C8orf34: variants seen among roughly 807,000 people sequenced by gnomAD.
C8orf34 encodes chromosome 8 open reading frame 34, also known as uncharacterized protein C8orf34.
A neutral mutation model predicts 68.3 loss-of-function variants in C8orf34; 65 were observed. The ratio of observed to expected loss-of-function variants is 0.95; its 90% CI spans 0.78 to 1.17. The LOEUF (loss-of-function observed/expected upper bound fraction) is 1.17. Ranked by LOEUF, C8orf34 falls within the 50% of genes most tolerant of loss-of-function variation. C8orf34 has a pLI of 0.00. For missense variants in C8orf34, 664 were observed against 655.4 expected (o/e 1.01, Z -0.14); for synonymous variants, 244 against 241.2 (o/e 1.01, Z -0.11).
intron 10 of C8orf34, among the ~76,000 whole-genome samples, chr8:68,738,251 A>T (rs1822178253): frequency 6.6e-6 from 1 of 152,146 alleles, no homozygotes; most frequent in Non-Finnish European, 1.5e-5. Flanking sequence ...TTGGAAACTA[A>T]TGAGAACAAA....
chr8:68,376,610 CT>C (rs113971584), intron 1 of C8orf34, among the ~76,000 whole-genome samples: 553 of 145,084 alleles, frequency 3.8e-3, no homozygotes, highest in African/African-American at 8.0e-3. Flanking sequence ...CATCTTTCTC[CT>C]TTTTTTTTTT....
intron 9 of C8orf34, 79 bp downstream of exon 9, chr8:68,709,158 C>G (rs890514421): frequency 1.6e-4 from 165 of 1,062,754 alleles, no homozygotes; most frequent in African/African-American, 3.2e-5. Flanking sequence ...AAAAACTAAA[C>G]CAAACATCTT....
chr8:68,608,580 C>A (rs2380483), intron 7 of C8orf34, among the ~76,000 whole-genome samples: 97,667 of 150,496 alleles, frequency 0.65, 32,164 homozygotes, highest in African/African-American at 0.75. Flanking sequence ...GATCATAGGC[C>A]GAAGCAGGGA....
chr8:68,534,752 C>A, intron 7 of C8orf34: 4 of 985,390 alleles, frequency 4.1e-6, no homozygotes, highest in Non-Finnish European at 4.8e-6. Flanking sequence ...GAAGGGGCAA[C>A]TGAGATCCAG....
chr8:68,498,964 G>C (rs1813649126), intron 5 of C8orf34, among the ~76,000 whole-genome samples: 1 of 152,158 alleles, frequency 6.6e-6, no homozygotes, highest in African/African-American at 2.4e-5. Flanking sequence ...TACATGTGCA[G>C]GTTTGTTATG....
At chr8:68,437,127 T>C (rs2129625487) in intron 1 of C8orf34, among the ~76,000 whole-genome samples, 1 of 152,344 alleles carries the variant, frequency 6.6e-6, no homozygotes, top group Non-Finnish European at 1.5e-5. Flanking sequence ...TTTAATCTCA[T>C]ATATTCATTA....
rs184431077 is a variant in C8orf34 at position 68,699,346 on chromosome 8, G to C, written c.1242-9648G>C. Among the ~76,000 whole-genome samples, 190 of 152,210 alleles carry C rather than the reference G, an allele frequency of 1.2e-3. 1 individual carries two copies. Among genetic ancestry groups the C allele is most frequent in the African/African-American group, 3.7e-3 (155 of 41,566 alleles). On this transcript the variant is annotated intron_variant, in intron 8 of 13. Transcript: ENST00000518698. ...ATGAACATGAATAATTGTTCTGAAC[G>C]AAGTGTGCTGATTCCAATGCCCAGG...
chr8:68,650,384 G>T (rs1206291911), intron 8 of C8orf34, among the ~76,000 whole-genome samples: 1 of 152,038 alleles, frequency 6.6e-6, no homozygotes, highest in Non-Finnish European at 1.5e-5. Context: ...AGTTTGAGGG[G>T]GCGGTGTCTG....
At chr8:68,556,719 T>C (rs544973590) in intron 7 of C8orf34, among the ~76,000 whole-genome samples, 2 of 152,284 alleles carry the variant, frequency 1.3e-5, no homozygotes, top group African/African-American at 4.8e-5. Flanking sequence ...TATGGCATTT[T>C]AAGTTTGTTA....
chr8:68,455,059 T>C (rs1811491354), intron 3 of C8orf34, among the ~76,000 whole-genome samples: 1 of 152,158 alleles, frequency 6.6e-6, no homozygotes, highest in South Asian at 2.1e-4. Context: ...GAATTTCCCA[T>C]TTTTCTTTTT....
chr8:68,757,679 T>C (rs1009216208), intron 10 of C8orf34, among the ~76,000 whole-genome samples: 2 of 152,108 alleles, frequency 1.3e-5, no homozygotes, highest in African/African-American at 2.4e-5. Context: ...ATAGGGAATA[T>C]TGTGGTGAAC....
In C8orf34 at chr8:68,818,310, G is replaced by A. The variant is rs1321535870; in HGVS notation, c.*64G>A. 6.6e-7 allele frequency: 1 copy of A among 1,516,328 alleles called. No homozygotes were observed. Among genetic ancestry groups the A allele is most frequent in the Admixed American group, 1.7e-5 (1 of 57,802 alleles). The allele number at this position is 1,516,328 out of a possible 1,614,324, so 93.9% of individuals were successfully genotyped here. ...GCAGTTATTCAAATCCTTATGTATAGTTCTAATTTTATTTACTATGTGTAA... is the reference window on the plus strand; with the variant it reads ...GCAGTTATTCAAATCCTTATGTATAATTCTAATTTTATTTACTATGTGTAA... On this transcript the variant is annotated 3_prime_UTR_variant, in exon 14 of 14. Coordinates refer to ENST00000518698, the MANE Select transcript of C8orf34 (RefSeq NM_052958.4).
rs565823900 is a variant in C8orf34, at chr8:68,369,379, G to A, written c.327+38040G>A. Among the ~76,000 whole-genome samples the A allele has an allele frequency of 2.1e-4, 32 of 152,360 alleles. 1 individual carries two copies. The highest frequency in any genetic ancestry group is 6.8e-3 in the Middle Eastern group (2 of 294). ...GATGCCTGAGTGGAACTGTAATGCT[G>A]TAATAGTCCACCTCTATTTTATGAC... On this transcript the variant is annotated intron_variant, in intron 1 of 13. Coordinates refer to ENST00000518698, the MANE Select transcript of C8orf34 (RefSeq NM_052958.4).
chr8:68,687,839 G>C (rs1022688698), intron 8 of C8orf34, among the ~76,000 whole-genome samples: 2 of 152,086 alleles, frequency 1.3e-5, no homozygotes, highest in Non-Finnish European at 2.9e-5. Context: ...CCACAGAATA[G>C]AGAAAATATT....
At chr8:68,744,446 A>G (rs1435348486) in intron 10 of C8orf34, among the ~76,000 whole-genome samples, 2 of 152,174 alleles carry the variant, frequency 1.3e-5, no homozygotes, top group African/African-American at 2.4e-5. Flanking sequence ...GAGCTATGGG[A>G]GGACATTCAA....
chr8:68,803,956 T>A (rs886961915), intron 12 of C8orf34, among the ~76,000 whole-genome samples: 1 of 152,208 alleles, frequency 6.6e-6, no homozygotes, highest in Admixed American at 6.5e-5. Context: ...TGAACACTTA[T>A]TACAAACATT....
intron 5 of C8orf34, among the ~76,000 whole-genome samples, chr8:68,491,565 C>G (rs1250860713): frequency 6.6e-6 from 1 of 152,114 alleles, no homozygotes; most frequent in Non-Finnish European, 1.5e-5. Flanking sequence ...TCTCTTCTGT[C>G]TCTAACTTCA....
intron 7 of C8orf34, among the ~76,000 whole-genome samples, chr8:68,628,030 T>A (rs1586474174): frequency 1.3e-5 from 2 of 152,316 alleles, no homozygotes; most frequent in East Asian, 3.9e-4. Context: ...GTCTAATCAC[T>A]TTCTTTCTTT....
At chr8:68,467,931 A>G (rs998277217) in intron 3 of C8orf34, among the ~76,000 whole-genome samples, 4 of 152,024 alleles carry the variant, frequency 2.6e-5, no homozygotes, top group Admixed American at 1.3e-4. Context: ...TTTTTTAAAA[A>G]AAATATGCCT....
Sources: allele counts gnomAD v4.1 joint callset (sites outside exome capture counted in the v4.1 genomes callset), GRCh38; gene constraint gnomAD v4.1.1; transcripts MANE v1.5; gene names NCBI Gene and HGNC (gene_info 2026-07-23, HGNC 2026-07-21).